Variants in MGST2 observed in about 807,000 individuals in gnomAD.
MGST2 encodes glutathione peroxidase MGST2.
Under a neutral mutation model 16.6 loss-of-function variants are expected in MGST2, and 9 were observed. The ratio of observed to expected loss-of-function variants is 0.54; its 90% CI spans 0.33 to 0.95. MGST2 has a LOEUF of 0.95. Among genes scored for constraint, MGST2 ranks in the 40% least tolerant of loss-of-function variants. MGST2 has a pLI of 0.03. For missense variants in MGST2, 159 were observed against 175.1 expected (o/e 0.91, Z 0.52); for synonymous variants, 79 against 68.0 (o/e 1.16, Z -0.79).
At chr4:139,698,870 C>T (rs1354319316) in intron 3 of MGST2, among the ~76,000 whole-genome samples, 1 of 150,308 alleles carries the variant, frequency 6.7e-6, no homozygotes, top group East Asian at 1.9e-4. Flanking sequence ...ATTTATCTTG[C>T]AATGGTGGTC....
chr4:139,719,092 G>T (rs1411865791), intron 5 of MGST2: 2 of 502,442 alleles, frequency 4.0e-6, no homozygotes, highest in Non-Finnish European at 6.9e-6. Flanking sequence ...TCCCTCTCTC[G>T]CAGCCGGGAT....
rs778884987 is a variant in MGST2 at position 139,720,015 on chromosome 4, C to T, written c.*48+15819C>T. The T allele has an allele frequency of 5.0e-6, 8 of 1,614,100 alleles. No homozygotes were observed. In the South Asian group the frequency reaches 8.8e-5, roughly 18 times the overall value. ...TGACCAAAGCCACTCACCATTCCAACCCCCTGCCCAGAGGCAGGTTGCCTC... is the reference window on the plus strand; with the variant it reads ...TGACCAAAGCCACTCACCATTCCAATCCCCTGCCCAGAGGCAGGTTGCCTC... On this transcript the variant is annotated intron_variant, in intron 5 of 5. Coordinates refer to the MGST2 transcript ENST00000616265.
At chr4:139,711,253 A>T (rs1727730077) in intron 5 of MGST2, among the ~76,000 whole-genome samples, 1 of 152,050 alleles carries the variant, frequency 6.6e-6, no homozygotes, top group Non-Finnish European at 1.5e-5. Context: ...GGACAGAGAA[A>T]TATGTTACAG....
chr4:139,719,449 A>C, intron 5 of MGST2: 1 of 1,613,948 alleles, frequency 6.2e-7, no homozygotes, highest in Non-Finnish European at 8.5e-7. Context: ...CTCCGTCGCC[A>C]CTGTAATTGT....
chr4:139,673,107 T>A (rs963457812), intron 1 of MGST2, among the ~76,000 whole-genome samples: 12 of 152,178 alleles, frequency 7.9e-5, no homozygotes, highest in African/African-American at 2.2e-4. Context: ...GAAACATTTT[T>A]AAAATATTAG....
intron 5 of MGST2, among the ~76,000 whole-genome samples, chr4:139,709,672 T>G (rs1727666121): frequency 1.3e-5 from 2 of 152,218 alleles, no homozygotes. Flanking sequence ...TTTAAAAATG[T>G]TTATAATAAA....
chr4:139,666,798 A>C (rs954868505), intron 1 of MGST2, among the ~76,000 whole-genome samples: 1 of 152,180 alleles, frequency 6.6e-6, no homozygotes, highest in African/African-American at 2.4e-5. Flanking sequence ...TTATATTTCC[A>C]AGTATGCCTG....
At chr4:139,720,305 G>A (rs1728184280) in intron 5 of MGST2, 1 of 1,546,544 alleles carries the variant, frequency 6.5e-7, no homozygotes, top group South Asian at 1.3e-5. Context: ...TCTTACGGCT[G>A]CTATATCCTG....
chr4:139,707,954 T>C (rs1285139147), downstream of MGST2, among the ~76,000 whole-genome samples: 1 of 151,868 alleles, frequency 6.6e-6, no homozygotes, highest in African/African-American at 2.4e-5. Flanking sequence ...TTCTGGATAT[T>C]AGCCCTTTGT....
chr4:139,749,435 T>C, the MGST2 span, among the ~76,000 whole-genome samples: 5 of 152,218 alleles, frequency 3.3e-5, no homozygotes, highest in Non-Finnish European at 7.3e-5. Flanking sequence ...CGAAATCTGA[T>C]TGTTTTCTCA....
intron 2 of MGST2, among the ~76,000 whole-genome samples, chr4:139,690,744 C>A (rs892749999): frequency 6.6e-6 from 1 of 152,150 alleles, no homozygotes; most frequent in Non-Finnish European, 1.5e-5. Flanking sequence ...CAGTTTGATT[C>A]TTTTTCCCAC....
chr4:139,736,692 G>T (rs1728960867), intron 5 of MGST2, among the ~76,000 whole-genome samples: 1 of 152,142 alleles, frequency 6.6e-6, no homozygotes, highest in South Asian at 2.1e-4. Context: ...AAATGCATTA[G>T]TCCCCACCTG....
intron 1 of MGST2, among the ~76,000 whole-genome samples, chr4:139,669,541 G>A (rs1029035733): frequency 2.0e-5 from 3 of 152,190 alleles, no homozygotes; most frequent in Non-Finnish European, 4.4e-5. Flanking sequence ...GCCCCATGTA[G>A]GCGCTCAGCA....
chr4:139,731,380 A>G (rs1391643905), intron 5 of MGST2: 1 of 136,846 alleles, frequency 7.3e-6, no homozygotes, highest in Non-Finnish European at 1.5e-5. Context: ...CTTTGGGTGG[A>G]TCACGAGGTC....
In MGST2 at chr4:139,725,747, T is replaced by G. The variant is rs1169490091; in HGVS notation, c.*49-14465T>G. On this transcript the variant is annotated intron_variant, in intron 5 of 5. Transcript: ENST00000616265. ...TAAAATGAGAGAGGTTGCACTGGCCTCACCTTGAAACTGATTGACCTGCTG... is the reference window on the plus strand; with the variant it reads ...TAAAATGAGAGAGGTTGCACTGGCCGCACCTTGAAACTGATTGACCTGCTG... The G allele has an allele frequency of 3.1e-6, 5 of 1,613,882 alleles. No individual in the cohort carries two copies. In the South Asian group the frequency reaches 5.5e-5, roughly 18 times the overall value.
chr4:139,677,970 T>A (rs1410820571), intron 1 of MGST2, among the ~76,000 whole-genome samples: 1 of 152,244 alleles, frequency 6.6e-6, no homozygotes, highest in Non-Finnish European at 1.5e-5. Flanking sequence ...AGTTCTCAGC[T>A]TGACTTTTCC....
rs1727053864 is a variant in MGST2 at position 139,698,454 on chromosome 4, C to A, written c.229+3187C>A. ...GTAACGATGAGGTTTCTTCACCCCTCCAGTAGAGGGCGCACTCTTGCGAGC... is the reference window on the plus strand; with the variant it reads ...GTAACGATGAGGTTTCTTCACCCCTACAGTAGAGGGCGCACTCTTGCGAGC... On this transcript the variant is annotated intron_variant, in intron 3 of 4. Coordinates refer to ENST00000265498, the MANE Select transcript of MGST2 (RefSeq NM_002413.5). 2.0e-5 allele frequency: 23 copies of A among 1,156,036 alleles called. 1 individual carries two copies. The highest frequency in any genetic ancestry group is 2.3e-4 in the Middle Eastern group (1 of 4,346). The allele number at this position is 1,156,036 out of a possible 1,614,324, so 71.6% of individuals were successfully genotyped here.
chr4:139,692,632 G>A (rs917898148), intron 2 of MGST2, among the ~76,000 whole-genome samples: 2 of 152,218 alleles, frequency 1.3e-5, no homozygotes, highest in Admixed American at 6.5e-5. Context: ...AGGACGATCC[G>A]TCAGCATCTG....
intron 3 of MGST2, 152 bp downstream of exon 3, chr4:139,695,419 C>T (rs1319715949): frequency 2.0e-5 from 13 of 654,006 alleles, no homozygotes; most frequent in Admixed American, 7.3e-5. Flanking sequence ...GTCAGGAGTT[C>T]GAGACCAGCC....
Sources: allele counts gnomAD v4.1 joint callset (sites outside exome capture counted in the v4.1 genomes callset), GRCh38; gene constraint gnomAD v4.1.1; transcripts MANE v1.5; gene names NCBI Gene and HGNC (gene_info 2026-07-23, HGNC 2026-07-21).